Variants in TTLL11 observed in about 807,000 individuals in gnomAD.
TTLL11 encodes the protein tubulin polyglutamylase TTLL11.
Under a neutral mutation model 51.7 loss-of-function variants are expected in TTLL11, and 42 were observed. The observed-to-expected ratio is 0.81, with a 90% confidence interval of 0.64 to 1.05. The LOEUF is 1.05. TTLL11 is among the 50% of genes least tolerant of loss of function. The pLI, the probability that TTLL11 is intolerant of heterozygous loss-of-function variation, is 0.00. For synonymous variants in TTLL11, 381 were observed against 383.5 expected (o/e 0.99, Z 0.08); for missense variants, 799 against 940.4 (o/e 0.85, Z 1.97).
At chr9:122,055,053 C>A (rs1246312641) in intron 1 of TTLL11, among the ~76,000 whole-genome samples, 1 of 152,100 alleles carries the variant, frequency 6.6e-6, no homozygotes, top group Admixed American at 6.5e-5. Flanking sequence ...TTCATTTATT[C>A]AACACATAAG....
intron 4 of TTLL11, among the ~76,000 whole-genome samples, chr9:121,979,386 G>A (rs1344290798): frequency 6.6e-6 from 1 of 152,210 alleles, no homozygotes; most frequent in Admixed American, 6.5e-5. Flanking sequence ...TGTATACTGC[G>A]AGATAGTGGG....
rs541507208 is a variant in TTLL11 at position 121,899,341 on chromosome 9, C to CTG, written c.1482-28595_1482-28594dup. On this transcript the variant is annotated intron_variant, in intron 6 of 8. Coordinates refer to ENST00000321582, the MANE Select transcript of TTLL11 (RefSeq NM_001139442.2). ...AATACTTATCACCTATTAATTCACTCTGTGTGTGTGTGTATGTGTGTGTGT... is the reference window on the plus strand; with the variant it reads ...AATACTTATCACCTATTAATTCACTCTGTGTGTGTGTGTGTATGTGTGTGTGT... 4.3e-3 allele frequency among the ~76,000 whole-genome samples: 583 copies of CTG among 135,956 alleles called. 3 individuals carry two copies. The highest frequency in any genetic ancestry group is 0.014 in the African/African-American group (506 of 35,952). 89.2% of individuals were successfully genotyped at this position (135,956 alleles called of 152,430 possible). A position where few individuals can be genotyped will look rare whatever the true frequency, so the allele number is the denominator to read the frequency against.
intron 1 of TTLL11, among the ~76,000 whole-genome samples, chr9:122,062,462 CTTTTTT>C (rs386416145): frequency 3.9e-5 from 3 of 77,676 alleles, no homozygotes; most frequent in Non-Finnish European, 6.7e-5. Flanking sequence ...TTATATTATG[CTTTTTT>C]TTTTTTTTTT....
At chr9:122,055,219 A>AGATAGAT (rs1845261711) in intron 1 of TTLL11, among the ~76,000 whole-genome samples, 1 of 150,250 alleles carries the variant, frequency 6.7e-6, no homozygotes, top group Non-Finnish European at 1.5e-5. Flanking sequence ...ATAGATAGAT[A>AGATAGAT]GATAGATAGA....
intron 6 of TTLL11, among the ~76,000 whole-genome samples, chr9:121,937,466 G>A (rs984453420): frequency 6.6e-6 from 1 of 152,146 alleles, no homozygotes; most frequent in Non-Finnish European, 1.5e-5. Context: ...AGGGCACCTG[G>A]CAACTCCCCC....
At chr9:121,913,329 C>T (rs539418443) in intron 6 of TTLL11, among the ~76,000 whole-genome samples, 3 of 152,202 alleles carry the variant, frequency 2.0e-5, no homozygotes, top group Non-Finnish European at 4.4e-5. Flanking sequence ...TTAAAATGTG[C>T]GGATCTGTCC....
intron 6 of TTLL11, among the ~76,000 whole-genome samples, chr9:121,923,807 G>T (rs13297096): frequency 2.6e-5 from 4 of 152,176 alleles, no homozygotes; most frequent in Non-Finnish European, 4.4e-5. Context: ...TCAACTGAAA[G>T]AATTCATTTT....
chr9:121,895,051 C>T (rs1408793099), intron 6 of TTLL11, among the ~76,000 whole-genome samples: 2 of 152,016 alleles, frequency 1.3e-5, no homozygotes, highest in African/African-American at 2.4e-5. Flanking sequence ...TTTTTAGCCA[C>T]GTCCTATGCT....
chr9:121,830,914 T>C (rs1836983626), intron 8 of TTLL11, among the ~76,000 whole-genome samples: 3 of 152,088 alleles, frequency 2.0e-5, no homozygotes, highest in South Asian at 2.1e-4. Flanking sequence ...AACCCAGTGG[T>C]AGGGGCACAT....
chr9:121,981,793 G>C (rs373949131), intron 4 of TTLL11, among the ~76,000 whole-genome samples: 152 of 152,250 alleles, frequency 1.0e-3, no homozygotes, highest in African/African-American at 3.5e-3. Context: ...TTTAACCCTC[G>C]CTGTTAAGGC....
At chr9:121,826,860 G>T (rs1836824698) in intron 8 of TTLL11, among the ~76,000 whole-genome samples, 1 of 152,026 alleles carries the variant, frequency 6.6e-6, no homozygotes, top group Non-Finnish European at 1.5e-5. Flanking sequence ...TGTGCTGGGG[G>T]TGGTCGACTG....
chr9:121,945,418 G>C (rs1209373340), intron 6 of TTLL11, among the ~76,000 whole-genome samples: 1 of 152,168 alleles, frequency 6.6e-6, no homozygotes, highest in Admixed American at 6.5e-5. Context: ...AGATTGCTCG[G>C]AAGGAAGAGT....
intron 1 of TTLL11, among the ~76,000 whole-genome samples, chr9:122,039,890 A>T (rs965033329): frequency 1.3e-5 from 2 of 151,050 alleles, no homozygotes; most frequent in Admixed American, 6.6e-5. Context: ...TCTCTCTCAC[A>T]CACACACACA....
At chr9:121,917,522 A>AAAGGAAGG (rs536661484) in intron 6 of TTLL11, among the ~76,000 whole-genome samples, 10 of 141,314 alleles carry the variant, frequency 7.1e-5, no homozygotes, top group African/African-American at 2.7e-4. Flanking sequence ...AGAGAGAAAG[A>AAAGGAAGG]AAGGAAGGAA....
intron 6 of TTLL11, among the ~76,000 whole-genome samples, chr9:121,935,377 A>G (rs1841163355): frequency 6.6e-6 from 1 of 152,198 alleles, no homozygotes; most frequent in Non-Finnish European, 1.5e-5. Context: ...TGATGACAAT[A>G]CTTTTGACTC....
intron 6 of TTLL11, among the ~76,000 whole-genome samples, chr9:121,872,525 A>G (rs1838392763): frequency 6.6e-6 from 1 of 152,238 alleles, no homozygotes. Context: ...AAGCCTTAAC[A>G]TATCAAGGTT....
intron 6 of TTLL11, among the ~76,000 whole-genome samples, chr9:121,870,981 T>A (rs1240590666): frequency 6.6e-6 from 1 of 152,188 alleles, no homozygotes. Context: ...CCTTCCACCA[T>A]CCTGGTTTCC....
intron 6 of TTLL11, among the ~76,000 whole-genome samples, chr9:121,958,450 C>T (rs143206081): frequency 2.3e-3 from 353 of 152,212 alleles, no homozygotes; most frequent in Middle Eastern, 6.8e-3. Flanking sequence ...TCTTTTTTCT[C>T]GAAGCCAAAC....
At chr9:121,950,773 G>A (rs1238355377) in intron 6 of TTLL11, among the ~76,000 whole-genome samples, 1 of 152,184 alleles carries the variant, frequency 6.6e-6, no homozygotes, top group Non-Finnish European at 1.5e-5. Context: ...TCCAGGCTTT[G>A]AGGAGCTTGT....
Sources: allele counts gnomAD v4.1 joint callset (sites outside exome capture counted in the v4.1 genomes callset), GRCh38; gene constraint gnomAD v4.1.1; transcripts MANE v1.5; gene names NCBI Gene and HGNC (gene_info 2026-07-23, HGNC 2026-07-21).